Variants in GABRR1 observed in about 807,000 individuals in gnomAD.
GABRR1 encodes the protein gamma-aminobutyric acid type A receptor subunit rho1.
GABRR1 carries 59 observed loss-of-function variants against 55.5 expected under a neutral mutation model. The observed-to-expected ratio is 1.06, with a 90% CI of 0.86 to 1.32. The LOEUF is 1.32. Ranked by LOEUF, GABRR1 falls within the 40% of genes most tolerant of loss-of-function variation. The pLI, the probability that GABRR1 is intolerant of heterozygous loss-of-function variation, is 0.00. For missense variants in GABRR1, 602 were observed against 619.1 expected, an observed-to-expected ratio of 0.97 and a Z score of 0.29; for synonymous variants, 213 against 226.0, an observed-to-expected ratio of 0.94 and a Z score of 0.51.
At chr6:89,179,409 G>A (rs1045462298) in intron 9 of GABRR1, among the ~76,000 whole-genome samples, 5 of 152,070 alleles carry the variant, frequency 3.3e-5, no homozygotes, top group Non-Finnish European at 7.4e-5. Context: ...TAGTAGAGAC[G>A]AGGTTTCATC....
chr6:89,230,768 C>T (rs1054117886), intron 1 of GABRR1, among the ~76,000 whole-genome samples: 3 of 151,816 alleles, frequency 2.0e-5, no homozygotes, highest in African/African-American at 7.3e-5. Flanking sequence ...AGGCAGGCCT[C>T]CTTGAGCTGT....
At chr6:89,190,287 CA>C in intron 5 of GABRR1, 40 bp from the exon 6 acceptor site, 1 of 1,466,238 alleles carries the variant, frequency 6.8e-7, no homozygotes. Flanking sequence ...TCAGAGCCTG[CA>C]AAAGACGAGT....
intron 1 of GABRR1, among the ~76,000 whole-genome samples, chr6:89,208,629 T>C (rs1196912391): frequency 6.6e-6 from 1 of 152,224 alleles, no homozygotes; most frequent in Admixed American, 6.5e-5. Flanking sequence ...GAAGAAGGAA[T>C]TTGCTTCCAG....
In GABRR1 at chr6:89,229,622, G is replaced by A. The variant is rs1307229; in HGVS notation, c.-411+1594C>T. On this transcript the variant is annotated intron_variant, in intron 1 of 11. Transcript: ENST00000369451. ...CTCTTCTGGCTTGTAGGGTTTCTGC[G>A]GAGAGATCCGCTGTTAGTCTGATGG... Among the ~76,000 whole-genome samples, 35 of 93,042 alleles carry A rather than the reference G, an allele frequency of 3.8e-4. 1 individual carries two copies. The highest frequency in any genetic ancestry group is 1.2e-3 in the East Asian group (5 of 4,138). 61.0% of individuals were successfully genotyped at this position (93,042 alleles called of 152,430 possible).
At chr6:89,181,853 T>G (rs915250918) in intron 8 of GABRR1, 52 bp downstream of exon 8, 54 of 1,501,618 alleles carry the variant, frequency 3.6e-5, no homozygotes, top group South Asian at 1.3e-4. Flanking sequence ...GAAGGAATTG[T>G]TAATACCTAT....
chr6:89,184,753 T>C (rs994395468), intron 7 of GABRR1, among the ~76,000 whole-genome samples: 3 of 152,350 alleles, frequency 2.0e-5, no homozygotes, highest in East Asian at 1.9e-4. Flanking sequence ...AAGTGGCTTA[T>C]GTTTTAAGTT....
chr6:89,183,344 C>T (rs1021368967), intron 7 of GABRR1, among the ~76,000 whole-genome samples: 1 of 152,106 alleles, frequency 6.6e-6, no homozygotes, highest in Non-Finnish European at 1.5e-5. Context: ...GTCAAAAGAA[C>T]AGGGTTCCTC....
At chr6:89,218,249 G>C (rs940010374), upstream of GABRR1, among the ~76,000 whole-genome samples, 1 of 152,076 alleles carries the variant, frequency 6.6e-6, no homozygotes, top group African/African-American at 2.4e-5. Context: ...ACTGAGTCAG[G>C]ATTCCCATAA....
In GABRR1 at chr6:89,203,442, G is replaced by C; in HGVS notation, c.166C>G (p.Gln56Glu). 1 of 1,613,198 alleles carries C rather than the reference G, an allele frequency of 6.2e-7. No individual in the cohort carries two copies. Among genetic ancestry groups the C allele is most frequent in the Non-Finnish European group, 8.5e-7 (1 of 1,179,172 alleles). ...RREVHEDAHKQVSPILRRSPD... is the reference protein window; with the variant it reads ...RREVHEDAHKEVSPILRRSPD... ...ACGTGCTTATGGCCATACCTGACTT[G>C]CTTGTGGGCATCTTCATGTACTTCT... is the stretch of plus-strand genomic sequence containing the variant. Residue 56 changes from glutamine to glutamate, a missense_variant, in exon 2 of 10, where the codon CAA becomes GAA. Physicochemically the swap from Gln to Glu is conservative, Grantham distance 29 (BLOSUM62 2). Coordinates refer to ENST00000454853, the MANE Select transcript of GABRR1 (RefSeq NM_002042.5).
chr6:89,199,386 C>G lies in GABRR1; in HGVS notation c.324G>C (p.Leu108Phe), dbSNP rs755801569. 1 of 1,614,028 alleles carries G rather than the reference C, an allele frequency of 6.2e-7. No individual in the cohort carries two copies. The highest frequency in any genetic ancestry group is 8.5e-7 in the Non-Finnish European group (1 of 1,179,942). The change falls in exon 4 of 10, where the codon TTG (leucine) becomes TTC (phenylalanine). Residue 108 changes from leucine (L) to phenylalanine (F), a missense_variant. Coordinates refer to ENST00000454853, the MANE Select transcript of GABRR1 (RefSeq NM_002042.5). ...PVGVDVQVESLDSISEVDMDF... is the reference protein window; with the variant it reads ...PVGVDVQVESFDSISEVDMDF... ...CCATGTCAACCTCTGAGATGCTATC[C>G]AAACTCTCCACCTGCACATCCACAC...
upstream of GABRR1, among the ~76,000 whole-genome samples, chr6:89,219,403 G>C (rs1410559190): frequency 1.3e-5 from 2 of 152,172 alleles, no homozygotes; most frequent in Non-Finnish European, 2.9e-5. Flanking sequence ...CTTCAAAGGA[G>C]GCATCTATGA....
chr6:89,197,246 C>A (rs1210741329), intron 5 of GABRR1, among the ~76,000 whole-genome samples: 1 of 152,222 alleles, frequency 6.6e-6, no homozygotes, highest in East Asian at 1.9e-4. Context: ...TTCATCTTTA[C>A]CATTCATCAG....
intron 5 of GABRR1, among the ~76,000 whole-genome samples, chr6:89,196,857 AAGAAAGAAAGAAAGAAAGAAAGAG>A (rs1247758068): frequency 1.8e-4 from 25 of 137,130 alleles, no homozygotes; most frequent in Admixed American, 5.3e-4. Context: ...GAAAGAAAGA[AAGAAAGAAAGAAAGAAAGAAAGAG>A]AAGAGAAGAA....
chr6:89,180,286 A>T lies in GABRR1; in HGVS notation c.1146+6T>A. 1 of 1,612,578 alleles carries T rather than the reference A, an allele frequency of 6.2e-7. No individual in the cohort carries two copies. Among genetic ancestry groups the T allele is most frequent in the Non-Finnish European group, 8.5e-7 (1 of 1,179,466 alleles). On this transcript the variant is annotated splice_donor_region_variant and intron_variant, in intron 9 of 9. Transcript: ENST00000454853. ...ACCAGACACTATAAGCGCATGGCAA[A>T]GTCACCTTCTCCCGCAGCTTCTGTT...
At chr6:89,212,624 A>G (rs1772864524) in intron 1 of GABRR1, among the ~76,000 whole-genome samples, 1 of 151,828 alleles carries the variant, frequency 6.6e-6, no homozygotes, top group Non-Finnish European at 1.5e-5. Context: ...CTTCCAGGGA[A>G]GAGAGGAGGA....
At chr6:89,199,205 T>C (rs1772389097) in intron 4 of GABRR1, among the ~76,000 whole-genome samples, 157 bp downstream of exon 4, 1 of 152,128 alleles carries the variant, frequency 6.6e-6, no homozygotes. Flanking sequence ...TTGGGTGGCT[T>C]TGGGCAAATC....
At chr6:89,223,636 A>T (rs1773146817) in intron 1 of GABRR1, among the ~76,000 whole-genome samples, 1 of 151,558 alleles carries the variant, frequency 6.6e-6, no homozygotes, top group South Asian at 2.1e-4. Context: ...ACTGTTTTCC[A>T]TAGTGGTTGT....
At chr6:89,218,343 A>G (rs1180879989), upstream of GABRR1, among the ~76,000 whole-genome samples, 2 of 152,222 alleles carry the variant, frequency 1.3e-5, no homozygotes, top group African/African-American at 4.8e-5. Context: ...CTGAAAAAAA[A>G]TTGATGAGAG....
intron 7 of GABRR1, among the ~76,000 whole-genome samples, chr6:89,183,729 G>A (rs1346497009): frequency 6.6e-6 from 1 of 151,966 alleles, no homozygotes; most frequent in East Asian, 1.9e-4. Flanking sequence ...GGATGGAACT[G>A]GAGGCCATTA....
Sources: allele counts gnomAD v4.1 joint callset (sites outside exome capture counted in the v4.1 genomes callset), GRCh38; gene constraint gnomAD v4.1.1; transcripts MANE v1.5; gene names NCBI Gene and HGNC (gene_info 2026-07-23, HGNC 2026-07-21).